The following CEP83 variants were observed in gnomAD, a reference collection of about 807,000 sequenced individuals.
CEP83 encodes centrosomal protein of 83 kDa.
CEP83 carries 70 observed loss-of-function variants against 101.9 expected under a neutral mutation model. That is an observed-to-expected ratio of 0.69 (90% confidence interval 0.57 to 0.84). The LOEUF is 0.84. Among genes scored for constraint, CEP83 ranks in the 40% least tolerant of loss-of-function variants. The pLI is 0.00. For missense variants in CEP83, 715 were observed against 787.2 expected (o/e 0.91, Z 1.10); for synonymous variants, 264 against 267.9 (o/e 0.99, Z 0.14).
the CEP83 span, among the ~76,000 whole-genome samples, chr12:94,271,400 T>A: frequency 6.6e-6 from 1 of 152,226 alleles, no homozygotes; most frequent in African/African-American, 2.4e-5. Flanking sequence ...TGATTCATCC[T>A]GCCAGCCCCC....
At chr12:94,340,120 T>C (rs1044921970) in intron 11 of CEP83, among the ~76,000 whole-genome samples, 1 of 152,184 alleles carries the variant, frequency 6.6e-6, no homozygotes, top group Non-Finnish European at 1.5e-5. Context: ...TAAACGTTCA[T>C]TAAAAGCTCA....
At chr12:94,438,431 T>A (rs1474636503) in intron 1 of CEP83, among the ~76,000 whole-genome samples, 1 of 151,940 alleles carries the variant, frequency 6.6e-6, no homozygotes, top group African/African-American at 2.4e-5. Context: ...TAAAGCAACA[T>A]CAGTTTAAAA....
At chr12:94,423,674 G>C (rs894252675) in intron 2 of CEP83, 1 of 1,574,650 alleles carries the variant, frequency 6.4e-7, no homozygotes, top group African/African-American at 1.4e-5. Context: ...TAACCCTCTG[G>C]AATTTGGGAG....
At chr12:94,454,869 G>A (rs537558417) in intron 1 of CEP83, among the ~76,000 whole-genome samples, 22 of 152,144 alleles carry the variant, frequency 1.4e-4, no homozygotes, top group African/African-American at 4.3e-4. Context: ...GCAATACCAC[G>A]AACCCACCGG....
At chr12:94,290,499 G>T in the CEP83 span, among the ~76,000 whole-genome samples, 1 of 152,092 alleles carries the variant, frequency 6.6e-6, no homozygotes, top group African/African-American at 2.4e-5. Context: ...GGCCCCAGCC[G>T]GCCCCTGCCC....
intron 14 of CEP83, among the ~76,000 whole-genome samples, chr12:94,316,482 G>A (rs959593682): frequency 6.6e-6 from 1 of 152,018 alleles, no homozygotes; most frequent in African/African-American, 2.4e-5. Flanking sequence ...AGAGGTACAT[G>A]TGCAGGTTTG....
intron 6 of CEP83, among the ~76,000 whole-genome samples, chr12:94,397,821 T>C (rs2062994004): frequency 6.6e-6 from 1 of 152,252 alleles, no homozygotes; most frequent in South Asian, 2.1e-4. Context: ...AATTTTTACA[T>C]GCAATTCCTT....
chr12:94,283,580 G>A, the CEP83 span, among the ~76,000 whole-genome samples: 1 of 152,214 alleles, frequency 6.6e-6, no homozygotes, highest in Non-Finnish European at 1.5e-5. Flanking sequence ...ACTCAAATCA[G>A]TCTCCCTGAG....
intron 14 of CEP83, among the ~76,000 whole-genome samples, chr12:94,314,654 A>AT (rs1320385456): frequency 6.6e-6 from 1 of 152,200 alleles, no homozygotes; most frequent in Non-Finnish European, 1.5e-5. Flanking sequence ...ACTATTACAA[A>AT]TAACTCTGCT....
At chr12:94,387,294 G>C (rs1213295268) in intron 6 of CEP83, among the ~76,000 whole-genome samples, 2 of 152,164 alleles carry the variant, frequency 1.3e-5, no homozygotes, top group African/African-American at 4.8e-5. Flanking sequence ...TACTGCCTGA[G>C]CTCTACCTCC....
intron 2 of CEP83, among the ~76,000 whole-genome samples, chr12:94,432,054 TTTTC>T: frequency 6.6e-6 from 1 of 150,458 alleles, no homozygotes; most frequent in Non-Finnish European, 1.5e-5. Flanking sequence ...TGGATTAACT[TTTTC>T]TTTTTTTTTT....
intron 14 of CEP83, among the ~76,000 whole-genome samples, chr12:94,314,092 A>C (rs1345404633): frequency 6.6e-6 from 1 of 152,180 alleles, no homozygotes; most frequent in Non-Finnish European, 1.5e-5. Flanking sequence ...ATGCAAAAGG[A>C]GTGTATGGAA....
At chr12:94,270,149 C>G in the CEP83 span, among the ~76,000 whole-genome samples, 18,049 of 152,230 alleles carry the variant, frequency 0.12, 1,279 homozygotes, top group African/African-American at 0.19. Flanking sequence ...AGATAGAAAG[C>G]ATTTTCCAGA....
intron 1 of CEP83, among the ~76,000 whole-genome samples, chr12:94,444,763 C>T (rs1055279267): frequency 1.3e-5 from 2 of 151,894 alleles, no homozygotes; most frequent in African/African-American, 2.4e-5. Context: ...TTTGGGAGGT[C>T]GAGGTGGGAG....
the CEP83 span, among the ~76,000 whole-genome samples, chr12:94,289,178 GTGGTT>G: frequency 5.1e-4 from 78 of 152,200 alleles, no homozygotes; most frequent in Non-Finnish European, 6.8e-4. Flanking sequence ...TCACTTGCAA[GTGGTT>G]TGGAGGATGT....
In CEP83 at chr12:94,369,980, T is replaced by C. The variant is rs2061220892; in HGVS notation, c.990A>G (p.Thr330=). The change falls in exon 9 of 17, where the codon ACA becomes ACG. Residue 330 remains threonine, a synonymous_variant. Transcript: ENST00000397809. ...TTTCTAGCTCACTCTTAGCTCTTGC[T>C]GTCTCCAGTTTGATGTCTGTTATTT... is the stretch of plus-strand genomic sequence containing the variant. ...KLEITDIKLE[T]ARAKSELERE... 2 of 1,611,702 alleles carry C rather than the reference T, an allele frequency of 1.2e-6. No homozygotes were observed. Among genetic ancestry groups the C allele is most frequent in the Admixed American group, 3.3e-5 (2 of 59,942 alleles).
chr12:94,432,124 A>G (rs113799117), intron 2 of CEP83, among the ~76,000 whole-genome samples: 2 of 150,752 alleles, frequency 1.3e-5, no homozygotes, highest in African/African-American at 4.9e-5. Flanking sequence ...GCGCGATCTC[A>G]GCTCACTGCA....
At chr12:94,296,619 C>A in the CEP83 span, among the ~76,000 whole-genome samples, 1 of 152,202 alleles carries the variant, frequency 6.6e-6, no homozygotes, top group East Asian at 1.9e-4. Flanking sequence ...AGGGTCAGCT[C>A]CTTCCTACCT....
chr12:94,424,864 G>A (rs920086453), intron 2 of CEP83: 4 of 1,601,754 alleles, frequency 2.5e-6, no homozygotes, highest in Non-Finnish European at 3.4e-6. Context: ...TGTTGCTTGG[G>A]CTAGGTGGTG....
Sources: gnomAD v4.1 joint callset for allele counts (sites outside exome capture counted in the v4.1 genomes callset) on GRCh38, gnomAD v4.1.1 for gene constraint, MANE v1.5 for transcripts, NCBI Gene and HGNC (gene_info 2026-07-23, HGNC 2026-07-21) for gene names.